The following NAV3 variants were observed in gnomAD, a reference collection of about 807,000 sequenced individuals.
The protein encoded by NAV3 is pore membrane and/or filament interacting like protein 1.
In NAV3, 87 loss-of-function variants were observed where a neutral mutation model predicts 244.7. The observed-to-expected ratio is 0.36, with a 90% CI of 0.30 to 0.42. The LOEUF is 0.42. Among genes scored for constraint, NAV3 ranks in the 20% least tolerant of loss-of-function variants. NAV3 has a pLI of 1.00. For synonymous variants in NAV3, 1,126 were observed against 1,042.2 expected, an observed-to-expected ratio of 1.08 and a Z score of -1.55; for missense variants, 2,663 against 2,893.3, an observed-to-expected ratio of 0.92 and a Z score of 1.83.
At position 78,136,972 on chromosome 12, in the gene NAV3, G is replaced by C. The variant is rs955206145; in HGVS notation, c.4442-205G>C. On this transcript the variant is annotated intron_variant, in intron 18 of 39. Transcript: ENST00000397909. ...CTGTTGCTTTAGAAATTGATGTAAGGCTTCCCATAAACGTGCCAGAGGAAA... is the reference window on the plus strand; with the variant it reads ...CTGTTGCTTTAGAAATTGATGTAAGCCTTCCCATAAACGTGCCAGAGGAAA... Among the ~76,000 whole-genome samples, 11 of 152,146 alleles carry C rather than the reference G, an allele frequency of 7.2e-5. 1 individual carries two copies. The Middle Eastern group carries it at 0.014, about 189-fold the overall frequency.
chr12:77,814,809 A>G (rs1041093201), intron 2 of NAV3, among the ~76,000 whole-genome samples: 2 of 152,230 alleles, frequency 1.3e-5, no homozygotes, highest in African/African-American at 4.8e-5. Flanking sequence ...GTTTTAAGAC[A>G]CTAATTAATA....
At chr12:77,632,211 T>C (rs1231790165) in intron 2 of NAV3, among the ~76,000 whole-genome samples, 7 of 152,072 alleles carry the variant, frequency 4.6e-5, no homozygotes, top group African/African-American at 1.4e-4. Flanking sequence ...TCCCAAGGGG[T>C]TGTGAGAAAA....
intron 2 of NAV3, among the ~76,000 whole-genome samples, chr12:77,703,426 G>A (rs1875649097): frequency 2.0e-5 from 3 of 151,924 alleles, no homozygotes; most frequent in Non-Finnish European, 2.9e-5. Context: ...CATTCTTCAG[G>A]TGTGAGGCAT....
At chr12:77,882,963 G>T (rs1882843529) in intron 1 of NAV3, among the ~76,000 whole-genome samples, 1 of 152,078 alleles carries the variant, frequency 6.6e-6, no homozygotes, top group South Asian at 2.1e-4. Context: ...GCAGAGAAAA[G>T]GAAATGCTTA....
rs774279306 is a variant in NAV3 at position 78,007,047 on chromosome 12, A to G, written c.1509A>G (p.Ala503=). The change falls in exon 8 of 40, where the codon GCA becomes GCG. Residue 503 remains alanine, a synonymous_variant. Transcript: ENST00000397909. ...CTCCAAAAAAGACCTCCAAAATTGC[A>G]AGCTTGATCCCTAAGGGCAGCAAGA... ...EMAPKKTSKI[A]SLIPKGSKTT... The G allele has an allele frequency of 1.3e-5, 21 of 1,613,988 alleles. No homozygotes were observed. The South Asian group carries it at 2.1e-4, about 16-fold the overall frequency.
intron 2 of NAV3, among the ~76,000 whole-genome samples, chr12:77,595,482 A>G (rs1870125454): frequency 6.6e-6 from 1 of 152,154 alleles, no homozygotes; most frequent in South Asian, 2.1e-4. Context: ...TAATGACTAT[A>G]AATAATCGTA....
chr12:78,204,918 G>A lies in NAV3; in HGVS notation c.6835-17G>A, dbSNP rs185170962. On this transcript the variant is annotated splice_polypyrimidine_tract_variant and intron_variant, in intron 38 of 39. Coordinates refer to ENST00000397909, the MANE Select transcript of NAV3 (RefSeq NM_001024383.2). ...AATGCATTTTATATATATCCTAAAC[G>A]CGTGGTCAACTTTTAGATGTATGGG... 981 of 1,611,440 alleles carry A rather than the reference G, an allele frequency of 6.1e-4. 12 individuals are homozygous for A. The South Asian group carries it at 9.2e-3, about 15-fold the overall frequency.
rs2139805917 is a variant in NAV3, at chr12:78,185,683, C to T, written c.5775C>T (p.Gly1925=). 1 of 1,607,692 alleles carries T rather than the reference C, an allele frequency of 6.2e-7. No homozygotes were observed. The highest frequency in any genetic ancestry group is 8.5e-7 in the Non-Finnish European group (1 of 1,176,874). ...SVKIIVSISK[G]YGRAKDQKSQ... is the part of the protein sequence containing the mutation. ...AAATTATAGTCTCCATAAGCAAGGG[C>T]TATGGTCGAGCAAAGGTACTTCTTT... The change falls in exon 31 of 40, where the codon GGC becomes GGT. Residue 1925 remains glycine, a synonymous_variant. Transcript: ENST00000397909.
chr12:78,110,350 G>T (rs1396343065), intron 12 of NAV3, among the ~76,000 whole-genome samples: 3 of 152,012 alleles, frequency 2.0e-5, no homozygotes, highest in Non-Finnish European at 1.5e-5. Flanking sequence ...TCATTAAAAT[G>T]ACCATACTTC....
chr12:77,814,581 A>G (rs1872452154), intron 2 of NAV3, among the ~76,000 whole-genome samples: 1 of 152,162 alleles, frequency 6.6e-6, no homozygotes, highest in Admixed American at 6.5e-5. Flanking sequence ...GAAGGGCACA[A>G]TAAACATCCC....
In NAV3 at chr12:78,094,755, AT is replaced by A. The variant is rs1401812102; in HGVS notation, c.2637-22014del. ...CTTGTACATCAAAAATATTAAAAAT[AT>A]TTCTTGGCTTGGCCAGGCATGGTGG... On this transcript the variant is annotated intron_variant, in intron 12 of 39. Transcript: ENST00000397909. Among the ~76,000 whole-genome samples the A allele has an allele frequency of 2.0e-5, 3 of 152,182 alleles. No individual in the cohort carries two copies. In the East Asian group the frequency reaches 5.8e-4, roughly 29 times the overall value.
At chr12:77,898,504 A>C (rs1010095394) in intron 1 of NAV3, among the ~76,000 whole-genome samples, 2 of 152,212 alleles carry the variant, frequency 1.3e-5, no homozygotes, top group African/African-American at 2.4e-5. Flanking sequence ...GAAAGAATTA[A>C]AAAGTGTTCG....
intron 2 of NAV3, among the ~76,000 whole-genome samples, chr12:77,811,428 C>T (rs1872282368): frequency 1.3e-5 from 2 of 152,310 alleles, no homozygotes; most frequent in Non-Finnish European, 2.9e-5. Flanking sequence ...CCACCACCAT[C>T]AAGTCTCCGT....
At chr12:78,176,762 A>C (rs1446908326) in intron 26 of NAV3, among the ~76,000 whole-genome samples, 1 of 152,098 alleles carries the variant, frequency 6.6e-6, no homozygotes, top group African/African-American at 2.4e-5. Context: ...TTAAGTTTGT[A>C]CTGTCAGCAG....
chr12:78,002,024 G>C (rs1481837670), intron 7 of NAV3, among the ~76,000 whole-genome samples: 1 of 152,176 alleles, frequency 6.6e-6, no homozygotes, highest in Non-Finnish European at 1.5e-5. Context: ...CCTGTTAACT[G>C]TAAATCAAAT....
chr12:78,172,431 G>T (rs941084083), intron 24 of NAV3, among the ~76,000 whole-genome samples: 6 of 151,580 alleles, frequency 4.0e-5, no homozygotes, highest in African/African-American at 1.4e-4. Flanking sequence ...TACGGTCTTT[G>T]TCTCCATAGA....
At chr12:77,718,389 G>A (rs1332849690) in intron 2 of NAV3, among the ~76,000 whole-genome samples, 1 of 152,068 alleles carries the variant, frequency 6.6e-6, no homozygotes, top group Non-Finnish European at 1.5e-5. Flanking sequence ...ACCAATTTAT[G>A]CATGGATTTA....
chr12:77,735,206 A>G (rs1450089947), intron 2 of NAV3, among the ~76,000 whole-genome samples: 2 of 152,256 alleles, frequency 1.3e-5, no homozygotes, highest in African/African-American at 4.8e-5. Context: ...AGGATATTTT[A>G]AAGTCTTCTA....
chr12:77,714,743 T>C (rs73412532), intron 2 of NAV3, among the ~76,000 whole-genome samples: 2,518 of 152,248 alleles, frequency 0.017, 71 homozygotes, highest in African/African-American at 0.058. Flanking sequence ...ATGTCTTTCC[T>C]GGAAGGAAAT....
Sources: allele counts gnomAD v4.1 joint callset (sites outside exome capture counted in the v4.1 genomes callset), GRCh38; gene constraint gnomAD v4.1.1; transcripts MANE v1.5; gene names NCBI Gene and HGNC (gene_info 2026-07-23, HGNC 2026-07-21).